AMOTL1: variants seen among roughly 807,000 people sequenced by gnomAD.
AMOTL1 encodes the protein angiomotin like 1.
In AMOTL1, 45 loss-of-function variants were observed where a neutral mutation model predicts 102.9. The ratio of observed to expected loss-of-function variants is 0.44; its 90% confidence interval spans 0.34 to 0.56. The LOEUF is 0.56. Ranked by LOEUF, AMOTL1 falls within the 20% of genes least tolerant of loss-of-function variation. AMOTL1 has a pLI of 0.01. For missense variants in AMOTL1, 1,114 were observed against 1,225.6 expected (o/e 0.91, Z 1.36); for synonymous variants, 481 against 484.7 (o/e 0.99, Z 0.10).
chr11:94,829,565 C>T (rs184250158), intron 4 of AMOTL1, among the ~76,000 whole-genome samples: 12 of 152,230 alleles, frequency 7.9e-5, no homozygotes, highest in Non-Finnish European at 1.2e-4. Context: ...GTAATGAAGC[C>T]GTTCCTCCAG....
At chr11:94,828,607 A>G (rs192492109) in intron 4 of AMOTL1, among the ~76,000 whole-genome samples, 10 of 152,304 alleles carry the variant, frequency 6.6e-5, no homozygotes, top group African/African-American at 2.4e-4. Flanking sequence ...GGCCAACTTA[A>G]GACTCCTAGC....
At position 94,781,278 on chromosome 11, in the gene AMOTL1, A is replaced by G. The variant is rs150615205; in HGVS notation, c.49+12718A>G. Among the ~76,000 whole-genome samples the G allele has an allele frequency of 2.8e-4, 42 of 152,220 alleles. 1 individual carries two copies. In the East Asian group the frequency reaches 7.5e-3, roughly 27 times the overall value. On this transcript the variant is annotated intron_variant, in intron 1 of 12. Transcript: ENST00000433060. ...CCAACAGGGGTCCATTCGCCTGACTAATAGAGTTCAAGCAGTGCTTTATAT... is the reference window on the plus strand; with the variant it reads ...CCAACAGGGGTCCATTCGCCTGACTGATAGAGTTCAAGCAGTGCTTTATAT...
In AMOTL1 at chr11:94,869,340, A is replaced by G. The variant is rs140552058; in HGVS notation, c.2631A>G (p.Thr877=). The G allele has an allele frequency of 1.9e-4, 302 of 1,612,188 alleles. 2 individuals carry two copies. In the East Asian group the frequency reaches 6.6e-3, roughly 35 times the overall value. Reference sequence around the variant, plus strand: ...AGACAGGCAGCAAGGACAGCAGCACACAGACTGACAAGAGTGCCGAGCTCT... The same window carrying G: ...AGACAGGCAGCAAGGACAGCAGCACGCAGACTGACAAGAGTGCCGAGCTCT... ...HAKTGSKDSS[T]QTDKSAELFW... is the part of the protein sequence containing the mutation. The change falls in exon 12 of 13, where the codon ACA becomes ACG. Residue 877 remains threonine (T), a synonymous_variant. Transcript: ENST00000433060.
chr11:94,792,927 A>G (rs73514290), intron 1 of AMOTL1, among the ~76,000 whole-genome samples: 5,527 of 152,220 alleles, frequency 0.036, 273 homozygotes, highest in African/African-American at 0.11. Context: ...TAGTTAGCAG[A>G]CCATGAGATA....
chr11:94,864,989 A>C, intron 10 of AMOTL1, 129 bp downstream of exon 10: 4 of 1,287,498 alleles, frequency 3.1e-6, no homozygotes, highest in Non-Finnish European at 4.1e-6. Context: ...CTCCTCCCCC[A>C]TGCTGTGCCA....
intron 6 of AMOTL1, among the ~76,000 whole-genome samples, chr11:94,837,400 C>G (rs1292849284): frequency 1.3e-5 from 2 of 152,222 alleles, no homozygotes; most frequent in East Asian, 3.8e-4. Flanking sequence ...CTTCTTGCAT[C>G]TATTTTGGCA....
At position 94,821,841 on chromosome 11, in the gene AMOTL1, A is replaced by G. The variant is rs780542179; in HGVS notation, c.1413+20A>G. ...CACAAGGTGCGTGACTTCCCTGGGG[A>G]ATGGGAGGGAGACAAATTCTTTACC... On this transcript the variant is annotated intron_variant, in intron 4 of 12. Coordinates refer to ENST00000433060, the MANE Select transcript of AMOTL1 (RefSeq NM_130847.3). 8 of 1,607,810 alleles carry G rather than the reference A, an allele frequency of 5.0e-6. No individual in the cohort carries two copies. In the East Asian group the frequency reaches 1.6e-4, roughly 31 times the overall value.
At chr11:94,847,067 TG>T (rs761470911) in intron 6 of AMOTL1, among the ~76,000 whole-genome samples, 5 of 152,200 alleles carry the variant, frequency 3.3e-5, no homozygotes, top group Non-Finnish European at 7.3e-5. Context: ...TGCTGGAGCT[TG>T]AAGTCTAAAG....
chr11:94,798,270 G>T (rs1951405100), intron 2 of AMOTL1, among the ~76,000 whole-genome samples: 1 of 152,174 alleles, frequency 6.6e-6, no homozygotes, highest in African/African-American at 2.4e-5. Flanking sequence ...TACAATACCT[G>T]GCACATCATA....
upstream of AMOTL1, among the ~76,000 whole-genome samples, chr11:94,768,040 G>A (rs1170483672): frequency 6.6e-6 from 1 of 152,198 alleles, no homozygotes; most frequent in Non-Finnish European, 1.5e-5. Flanking sequence ...AATTTTGGCC[G>A]GCATTGGGCT....
intron 1 of AMOTL1, among the ~76,000 whole-genome samples, chr11:94,713,654 A>G (rs1187123827): frequency 6.6e-6 from 1 of 151,966 alleles, no homozygotes; most frequent in Non-Finnish European, 1.5e-5. Context: ...ATGATATTGC[A>G]TTGTTATACT....
In AMOTL1 at chr11:94,768,375, G is replaced by T; in HGVS notation, c.-137G>T. 6.7e-7 allele frequency: 1 copy of T among 1,486,272 alleles called. No individual in the cohort carries two copies. The allele number at this position is 1,486,272 out of a possible 1,614,324, so 92.1% of individuals were successfully genotyped here. ...GGCGGGAGCGCGCGAGAAGCTCTAG[G>T]ACCCAGCAGCGGTTGTCGGGTTTGG... On this transcript the variant is annotated 5_prime_UTR_variant, in exon 1 of 13. Coordinates refer to ENST00000433060, the MANE Select transcript of AMOTL1 (RefSeq NM_130847.3).
At chr11:94,756,981 C>A (rs1950733591) in intron 3 of AMOTL1, among the ~76,000 whole-genome samples, 1 of 82,866 alleles carries the variant, frequency 1.2e-5, no homozygotes, top group Non-Finnish European at 2.6e-5. Flanking sequence ...CCTAAAATAC[C>A]TAACCTAGCC....
chr11:94,740,805 GGCTCA>G, intron 2 of AMOTL1: 1 of 653,266 alleles, frequency 1.5e-6, no homozygotes, highest in South Asian at 1.5e-5. Flanking sequence ...CGGGGCCTCC[GGCTCA>G]GGGATTCTGA....
At chr11:94,821,473 C>G (rs1219362371) in intron 3 of AMOTL1, 57 bp from the exon 4 acceptor site, 8 of 1,545,456 alleles carry the variant, frequency 5.2e-6, no homozygotes, top group African/African-American at 2.7e-5. Context: ...GTTGGGGCTT[C>G]CTTCCTGCTC....
intron 3 of AMOTL1, among the ~76,000 whole-genome samples, chr11:94,750,369 C>T (rs1170038938): frequency 6.6e-6 from 1 of 152,232 alleles, no homozygotes; most frequent in Non-Finnish European, 1.5e-5. Context: ...TGCCCCTACT[C>T]ACACCAGAAC....
At chr11:94,822,830 T>G (rs950458833) in intron 4 of AMOTL1, among the ~76,000 whole-genome samples, 2 of 151,852 alleles carry the variant, frequency 1.3e-5, no homozygotes, top group Non-Finnish European at 2.9e-5. Flanking sequence ...TGCAAGGGGG[T>G]TGAGCAAAGG....
chr11:94,837,964 A>G (rs1952218369), intron 6 of AMOTL1, among the ~76,000 whole-genome samples: 1 of 152,348 alleles, frequency 6.6e-6, no homozygotes, highest in African/African-American at 2.4e-5. Flanking sequence ...TTCTGGCATC[A>G]GGGAACCCTT....
intron 4 of AMOTL1, among the ~76,000 whole-genome samples, chr11:94,826,749 G>A (rs1951972682): frequency 6.6e-6 from 1 of 152,104 alleles, no homozygotes; most frequent in Non-Finnish European, 1.5e-5. Context: ...TCACCACACT[G>A]GGAATCAAAT....
Sources: allele counts gnomAD v4.1 joint callset (sites outside exome capture counted in the v4.1 genomes callset), GRCh38; gene constraint gnomAD v4.1.1; transcripts MANE v1.5; gene names NCBI Gene and HGNC (gene_info 2026-07-23, HGNC 2026-07-21).